SPIRE2: variants seen among roughly 807,000 people sequenced by gnomAD.
SPIRE2 encodes the protein spire type actin nucleation factor 2.
SPIRE2 carries 76 observed loss-of-function variants against 80.7 expected under a neutral mutation model. That is an observed-to-expected ratio of 0.94 (90% CI 0.78 to 1.14). The LOEUF is 1.14. SPIRE2 is among the 50% of genes most tolerant of loss of function. SPIRE2 has a pLI of 0.00. For synonymous variants in SPIRE2, 535 were observed against 432.6 expected (o/e 1.24, Z -2.94); for missense variants, 1,196 against 1,015.3 (o/e 1.18, Z -2.42).
chr16:89,854,530 T>C lies in SPIRE2; in HGVS notation c.770T>C (p.Val257Ala). 6.2e-7 allele frequency: 1 copy of C among 1,611,984 alleles called. No homozygotes were observed. The highest frequency in any genetic ancestry group is 8.5e-7 in the Non-Finnish European group (1 of 1,179,824). ...CTCATGCGGGAGCTCCGCCGCGGAG[T>C]GAAGCTGAAGAAGGTGCAAGAGCAG... ...VQLMRELRRG[V>A]KLKKVQEQEF... The change falls in exon 5 of 15, where the codon GTG becomes GCG. Residue 257 changes from valine (V) to alanine (A), a missense_variant. Coordinates refer to ENST00000378247, the MANE Select transcript of SPIRE2 (RefSeq NM_032451.2).
At chr16:89,845,759 C>G (rs577210355) in intron 2 of SPIRE2, 2 of 609,118 alleles carry the variant, frequency 3.3e-6, no homozygotes, top group South Asian at 3.8e-5. Flanking sequence ...CCCACCCGAC[C>G]AAAACTGGAA....
At position 89,859,292 on chromosome 16, in the gene SPIRE2, C is replaced by T. The variant is rs368322186; in HGVS notation, c.1400C>T (p.Thr467Met). The change falls in exon 9 of 15, where the codon ACG becomes ATG. Residue 467 changes from threonine to methionine, a missense_variant. By Grantham distance (81) the Thr-to-Met change is moderately conservative. Coordinates refer to ENST00000378247, the MANE Select transcript of SPIRE2 (RefSeq NM_032451.2). ...TCGGCCACCCACCCCCCAGGAGGGA[C>T]GGAGCCACCACGGCCCCGAGCTGGC... is the stretch of plus-strand genomic sequence containing the variant. Reference protein sequence around the residue: ...LQSATHPPGGTEPPRPRAGSA... With the variant: ...LQSATHPPGGMEPPRPRAGSA... 78 of 1,601,890 alleles carry T rather than the reference C, an allele frequency of 4.9e-5. No individual in the cohort carries two copies. In the Middle Eastern group the frequency reaches 4.9e-4, roughly 10 times the overall value.
rs771180992 is a variant in SPIRE2 at position 89,845,362 on chromosome 16, C to T, written c.285C>T (p.Ala95=). The change falls in exon 2 of 15, where the codon GCC becomes GCT. Residue 95 remains alanine, a synonymous_variant. Transcript: ENST00000378247. ...TMVVPLASSE[A]QTVQSLGFAI... Reference sequence around the variant, plus strand: ...TCGTGCCACTAGCCAGCTCGGAAGCCCAGGTACTTTTTAAAAAATTCCAAG... The same window carrying T: ...TCGTGCCACTAGCCAGCTCGGAAGCTCAGGTACTTTTTAAAAAATTCCAAG... The T allele has an allele frequency of 1.8e-5, 29 of 1,613,734 alleles. No individual in the cohort carries two copies. Among genetic ancestry groups the T allele is most frequent in the Middle Eastern group, 3.3e-4 (2 of 6,082 alleles).
At chr16:89,851,664 G>A (rs1048623965) in intron 3 of SPIRE2, among the ~76,000 whole-genome samples, 48 of 152,232 alleles carry the variant, frequency 3.2e-4, no homozygotes, top group Admixed American at 1.9e-3. Flanking sequence ...CCCTGGGCAC[G>A]GCTGCTGCCC....
intron 1 of SPIRE2, among the ~76,000 whole-genome samples, chr16:89,844,316 T>C (rs1204189226): frequency 6.6e-6 from 1 of 151,740 alleles, no homozygotes; most frequent in Non-Finnish European, 1.5e-5. Flanking sequence ...TTACAGGTGC[T>C]CTCCACTATG....
In SPIRE2 at chr16:89,859,272, C is replaced by T. The variant is rs954213450; in HGVS notation, c.1380C>T (p.Ala460=). 12 of 1,606,734 alleles carry T rather than the reference C, an allele frequency of 7.5e-6. No individual in the cohort carries two copies. The highest frequency in any genetic ancestry group is 2.2e-5 in the East Asian group (1 of 44,664). ...AGGTGGCCTCTGGCCTGCAGTCGGC[C>T]ACCCACCCCCCAGGAGGGACGGAGC... ...RSEVASGLQS[A]THPPGGTEPP... is the part of the protein sequence containing the mutation. Residue 460 remains alanine, a synonymous_variant, in exon 9 of 15, where the codon GCC becomes GCT. Transcript: ENST00000378247.
intron 14 of SPIRE2, 135 bp downstream of exon 14, chr16:89,869,817 G>C (rs544091815): frequency 4.0e-6 from 3 of 758,024 alleles, no homozygotes; most frequent in African/African-American, 1.7e-5. Flanking sequence ...AGGCAGAGAC[G>C]GATCGTTGTG....
rs200605959 is a variant in SPIRE2, at chr16:89,869,589, T to C, written c.1829T>C (p.Phe610Ser). The C allele has an allele frequency of 6.2e-7, 1 of 1,613,790 alleles. No individual in the cohort carries two copies. The highest frequency in any genetic ancestry group is 8.5e-7 in the Non-Finnish European group (1 of 1,179,900). The change falls in exon 14 of 15, where the codon TTT becomes TCT. Residue 610 changes from phenylalanine to serine, a missense_variant. Phe to Ser is a radical substitution (Grantham distance 155, BLOSUM62 -2). Transcript: ENST00000378247. ...SIKMKMPSKK[F>S]GHIPVYTLGF... ...CAGATGAAGATGCCTTCTAAGAAAT[T>C]TGGACACATCCCTGTCTACACACTG...
At chr16:89,838,649 G>A (rs1312858453) in intron 1 of SPIRE2, among the ~76,000 whole-genome samples, 1 of 152,190 alleles carries the variant, frequency 6.6e-6, no homozygotes, top group African/African-American at 2.4e-5. Flanking sequence ...TGACTTGGGT[G>A]CTGCGGGCTT....
chr16:89,842,208 A>ATTTTTTTTTCTTT (rs2041512602), intron 1 of SPIRE2, among the ~76,000 whole-genome samples: 1 of 81,306 alleles, frequency 1.2e-5, no homozygotes, highest in Non-Finnish European at 2.1e-5. Context: ...TGAACACGTA[A>ATTTTTTTTTCTTT]TTTTTTTTTT....
Position 89,850,559 on chromosome 16 carries a change from C to T in SPIRE2, c.544C>T (p.Pro182Ser), listed in dbSNP as rs1247415842. ...GCTGTGCGCGGCGCGGCTGACCGACCCCCGGGGCGCACAGGCGCATTACCA... is the reference window on the plus strand; with the variant it reads ...GCTGTGCGCGGCGCGGCTGACCGACTCCCGGGGCGCACAGGCGCATTACCA... ...MRLCAARLTD[P>S]RGAQAHYQAV... is the part of the protein sequence containing the mutation. The change falls in exon 3 of 15, where the codon CCC (proline) becomes TCC (serine). Residue 182 changes from proline (P) to serine (S), a missense_variant. Coordinates refer to ENST00000378247, the MANE Select transcript of SPIRE2 (RefSeq NM_032451.2). The T allele has an allele frequency of 9.2e-6, 14 of 1,513,516 alleles. No homozygotes were observed. The East Asian group carries it at 2.5e-4, about 27-fold the overall frequency. The allele number at this position is 1,513,516 out of a possible 1,614,324, so 93.8% of individuals were successfully genotyped here. A position where few individuals can be genotyped will look rare whatever the true frequency, so the allele number is the denominator to read the frequency against.
chr16:89,856,288 C>G, intron 7 of SPIRE2, 52 bp downstream of exon 7: 2 of 1,526,214 alleles, frequency 1.3e-6, no homozygotes, highest in South Asian at 2.4e-5. Context: ...GGCTGGGGTT[C>G]CCCCATTCCC....
chr16:89,856,135 C>A lies in SPIRE2; in HGVS notation c.1001C>A (p.Pro334Gln). The A allele has an allele frequency of 6.2e-7, 1 of 1,611,736 alleles. No homozygotes were observed. The highest frequency in any genetic ancestry group is 8.5e-7 in the Non-Finnish European group (1 of 1,179,612). The change falls in exon 7 of 15, where the codon CCG becomes CAG. Residue 334 changes from proline to glutamine, a missense_variant. Coordinates refer to ENST00000378247, the MANE Select transcript of SPIRE2 (RefSeq NM_032451.2). ...CAGGTCTCTGAGAGGCGGCTGCGCCCGTTGCCACCAAAGCAAAGGTCCCTG... is the reference window on the plus strand; with the variant it reads ...CAGGTCTCTGAGAGGCGGCTGCGCCAGTTGCCACCAAAGCAAAGGTCCCTG... ...LKQVSERRLR[P>Q]LPPKQRSLHE... is the part of the protein sequence containing the mutation.
chr16:89,855,967 G>C, intron 6 of SPIRE2, 146 bp from the exon 7 acceptor site: 5 of 1,396,402 alleles, frequency 3.6e-6, no homozygotes, highest in Non-Finnish European at 4.8e-6. Flanking sequence ...CACTCCCTCC[G>C]GGTGGGCCTG....
chr16:89,844,728 G>A (rs775018750), intron 1 of SPIRE2, among the ~76,000 whole-genome samples: 1 of 152,130 alleles, frequency 6.6e-6, no homozygotes, highest in Non-Finnish European at 1.5e-5. Flanking sequence ...GTGAGCCACC[G>A]CGCCTGGCCC....
rs1272178292 is a variant in SPIRE2, at chr16:89,870,866, A to C, written c.*594A>C. Reference sequence around the variant, plus strand: ...TTTGGGAGGCCGAGGAGGGAGGATCACCTGAGGTCAGGAGTTTGAGACCAG... The same window carrying C: ...TTTGGGAGGCCGAGGAGGGAGGATCCCCTGAGGTCAGGAGTTTGAGACCAG... On this transcript the variant is annotated 3_prime_UTR_variant, in exon 15 of 15. Coordinates refer to ENST00000378247, the MANE Select transcript of SPIRE2 (RefSeq NM_032451.2). 1 of 154,062 alleles carries C rather than the reference A, an allele frequency of 6.5e-6. No homozygotes were observed. The highest frequency in any genetic ancestry group is 1.4e-5 in the Non-Finnish European group (1 of 69,266). 9.5% of individuals were successfully genotyped at this position (154,062 alleles called of 1,614,324 possible).
chr16:89,828,608 TGG>T lies in SPIRE2; in HGVS notation c.60_61del (p.Trp20Ter). The T allele has an allele frequency of 7.8e-7, 1 of 1,282,304 alleles. No homozygotes were observed. Among genetic ancestry groups the T allele is most frequent in the Admixed American group, 2.9e-5 (1 of 34,208 alleles). The allele number at this position is 1,282,304 out of a possible 1,614,324, so 79.4% of individuals were successfully genotyped here. On this transcript the variant is annotated frameshift_variant, in exon 1 of 15. Transcript: ENST00000378247. LOFTEE classifies it high-confidence loss of function. This position sits in a 1 kb window ranked among gnomAD's most constrained non-coding sequence, Gnocchi z 5.9. ...GGCGGGCGCAGGGCGGCCGGAGCCC[TGG>T]GAGCTGTCCCTGGAGGAGGTGCTGA... The part of the protein sequence containing the change: ...AAAGAGRPEP[W>X]ELSLEEVLKA...
chr16:89,865,094 C>T (rs541749081), intron 12 of SPIRE2, among the ~76,000 whole-genome samples: 1 of 151,536 alleles, frequency 6.6e-6, no homozygotes, highest in Admixed American at 6.6e-5. Flanking sequence ...GTAAGCTCCG[C>T]CTCCTGAGTT....
In SPIRE2 at chr16:89,850,427, G is replaced by A. The variant is rs536297560; in HGVS notation, c.412G>A (p.Glu138Lys). 1.4e-5 allele frequency: 22 copies of A among 1,583,832 alleles called. No individual in the cohort carries two copies. In the East Asian group the frequency reaches 3.2e-4, roughly 23 times the overall value. The change falls in exon 3 of 15, where the codon GAG (glutamate) becomes AAG (lysine). Residue 138 changes from glutamate to lysine, a missense_variant. Physicochemically the swap from Glu to Lys is moderately conservative, Grantham distance 56. Coordinates refer to ENST00000378247, the MANE Select transcript of SPIRE2 (RefSeq NM_032451.2). ...LIDLMANNDSEDSGCGAADEG... is the reference protein window; with the variant it reads ...LIDLMANNDSKDSGCGAADEG... ...CGACCTCATGGCCAACAACGACAGCGAGGACAGCGGCTGCGGTGCCGCCGA... is the reference window on the plus strand; with the variant it reads ...CGACCTCATGGCCAACAACGACAGCAAGGACAGCGGCTGCGGTGCCGCCGA...
Sources: allele counts gnomAD v4.1 joint callset (sites outside exome capture counted in the v4.1 genomes callset), GRCh38; gene constraint gnomAD v4.1.1; non-coding constraint Gnocchi (gnomAD v3.1); transcripts MANE v1.5; gene names NCBI Gene and HGNC (gene_info 2026-07-23, HGNC 2026-07-21).